TEC: variants seen among roughly 807,000 people sequenced by gnomAD.
TEC encodes tyrosine-protein kinase Tec.
A neutral mutation model predicts 93.0 loss-of-function variants in TEC; 72 were observed. The observed-to-expected ratio is 0.77, with a 90% CI of 0.64 to 0.94. TEC has a LOEUF of 0.94. Ranked by LOEUF, TEC falls within the 40% of genes least tolerant of loss-of-function variation. TEC has a pLI of 0.00. For missense variants in TEC, 630 were observed against 757.9 expected, an observed-to-expected ratio of 0.83 and a Z score of 1.98; for synonymous variants, 249 against 247.7, an observed-to-expected ratio of 1.01 and a Z score of -0.05.
chr4:48,183,624 G>C (rs1013857820), intron 2 of TEC, among the ~76,000 whole-genome samples: 2 of 152,160 alleles, frequency 1.3e-5, no homozygotes, highest in African/African-American at 4.8e-5. Context: ...GCTTCCACCA[G>C]CAGCCTCCTC....
chr4:48,172,443 T>C (rs996967140), intron 3 of TEC, among the ~76,000 whole-genome samples: 15 of 151,852 alleles, frequency 9.9e-5, no homozygotes, highest in Non-Finnish European at 2.2e-4. Context: ...TACTTTTTTT[T>C]TTTTTCTTAG....
intron 11 of TEC, among the ~76,000 whole-genome samples, chr4:48,146,665 G>A (rs1367174409): frequency 6.6e-6 from 1 of 152,060 alleles, no homozygotes; most frequent in African/African-American, 2.4e-5. Flanking sequence ...GTTATTTCGT[G>A]TTCTTTTCCA....
chr4:48,228,644 T>C lies in TEC; in HGVS notation c.-30A>G, dbSNP rs1723559143. ...GTCTTCTGATTACTCCTCCTGCCAC[T>C]GAAGATCCCAGTATTCTACAGTGAA... On this transcript the variant is annotated 5_prime_UTR_variant, in exon 2 of 18. Coordinates refer to ENST00000381501, the MANE Select transcript of TEC (RefSeq NM_003215.3). 1.2e-6 allele frequency: 2 copies of C among 1,605,008 alleles called. No homozygotes were observed. The highest frequency in any genetic ancestry group is 1.3e-5 in the African/African-American group (1 of 74,206).
At chr4:48,172,563 G>A (rs1721158725) in intron 3 of TEC, among the ~76,000 whole-genome samples, 1 of 151,842 alleles carries the variant, frequency 6.6e-6, no homozygotes, top group South Asian at 2.1e-4. Context: ...AGCCTCCAAA[G>A]TGCTAGGATT....
intron 2 of TEC, among the ~76,000 whole-genome samples, chr4:48,206,777 C>CAAAAAAAA (rs34761710): frequency 2.2e-5 from 2 of 89,212 alleles, no homozygotes; most frequent in Non-Finnish European, 4.8e-5. Context: ...CTCGTTGCTA[C>CAAAAAAAA]AAAAAAAAAA....
At chr4:48,257,231 T>A (rs948327306) in intron 1 of TEC, among the ~76,000 whole-genome samples, 1 of 152,206 alleles carries the variant, frequency 6.6e-6, no homozygotes, top group Non-Finnish European at 1.5e-5. Context: ...TTTCACCTGT[T>A]GCACTTTCCT....
chr4:48,251,940 C>G (rs933496046), intron 1 of TEC, among the ~76,000 whole-genome samples: 2 of 152,066 alleles, frequency 1.3e-5, no homozygotes, highest in Non-Finnish European at 2.9e-5. Flanking sequence ...ATCCTAAGAT[C>G]TGGTTTTTAC....
At chr4:48,218,918 T>TTG (rs769083123) in intron 2 of TEC, among the ~76,000 whole-genome samples, 3 of 152,128 alleles carry the variant, frequency 2.0e-5, no homozygotes, top group Non-Finnish European at 2.9e-5. Context: ...ATGCTCAATT[T>TTG]TGGTACAACC....
chr4:48,264,415 G>A (rs1424169054), intron 1 of TEC, among the ~76,000 whole-genome samples: 1 of 152,164 alleles, frequency 6.6e-6, no homozygotes, highest in Non-Finnish European at 1.5e-5. Context: ...GCATGGAGGG[G>A]TTATATGCAC....
At chr4:48,243,277 T>G (rs1403443612) in intron 1 of TEC, among the ~76,000 whole-genome samples, 1 of 152,216 alleles carries the variant, frequency 6.6e-6, no homozygotes, top group Non-Finnish European at 1.5e-5. Context: ...TGGAAGTAAC[T>G]TAAACAGGTA....
intron 2 of TEC, among the ~76,000 whole-genome samples, chr4:48,200,276 G>C (rs929355413): frequency 6.6e-6 from 1 of 152,004 alleles, no homozygotes; most frequent in African/African-American, 2.4e-5. Flanking sequence ...CAGGTGGGCT[G>C]GGGGGTGGGG....
At chr4:48,265,710 A>G (rs1724624010) in intron 1 of TEC, among the ~76,000 whole-genome samples, 1 of 151,868 alleles carries the variant, frequency 6.6e-6, no homozygotes, top group African/African-American at 2.4e-5. Flanking sequence ...ATGGGGTTTC[A>G]CCATGTTGTC....
At chr4:48,222,947 T>C (rs1162759179) in intron 2 of TEC, among the ~76,000 whole-genome samples, 1 of 152,186 alleles carries the variant, frequency 6.6e-6, no homozygotes, top group Non-Finnish European at 1.5e-5. Context: ...TTATATCATA[T>C]GTATATATCC....
At chr4:48,175,957 A>G (rs1283210768) in intron 3 of TEC, 125 bp downstream of exon 3, 9 of 687,428 alleles carry the variant, frequency 1.3e-5, no homozygotes, top group Non-Finnish European at 2.2e-5. Flanking sequence ...AAGAAAAGTC[A>G]CAACTATTAA....
chr4:48,150,740 T>C (rs1720122534), intron 10 of TEC, 123 bp downstream of exon 10: 4 of 632,648 alleles, frequency 6.3e-6, no homozygotes, highest in Non-Finnish European at 1.0e-5. Context: ...GAAATCAAGT[T>C]CAGGTTTTCT....
chr4:48,240,840 T>C (rs1723904895), intron 1 of TEC, among the ~76,000 whole-genome samples: 1 of 151,408 alleles, frequency 6.6e-6, no homozygotes, highest in Non-Finnish European at 1.5e-5. Flanking sequence ...CACTAGATCA[T>C]AAAGGCACAT....
At chr4:48,240,350 A>AG (rs1325996117) in intron 1 of TEC, among the ~76,000 whole-genome samples, 1 of 152,090 alleles carries the variant, frequency 6.6e-6, no homozygotes, top group African/African-American at 2.4e-5. Context: ...GAAAGGAGGG[A>AG]GGGGGAAAAA....
chr4:48,230,102 T>TAATAATAATAAA (rs1553894220), intron 1 of TEC, among the ~76,000 whole-genome samples: 18 of 115,866 alleles, frequency 1.6e-4, no homozygotes, highest in African/African-American at 4.4e-4. Flanking sequence ...ATAATAATAA[T>TAATAATAATAAA]AAATAAATAA....
chr4:48,198,062 C>A (rs1333382098), intron 2 of TEC, among the ~76,000 whole-genome samples: 2 of 152,228 alleles, frequency 1.3e-5, no homozygotes, highest in Non-Finnish European at 2.9e-5. Flanking sequence ...GCCCTCCCAG[C>A]CCATTCCGCC....
Sources: gnomAD v4.1 joint callset for allele counts (sites outside exome capture counted in the v4.1 genomes callset) on GRCh38, gnomAD v4.1.1 for gene constraint, MANE v1.5 for transcripts, NCBI Gene and HGNC (gene_info 2026-07-23, HGNC 2026-07-21) for gene names.